The following XYLB variants were observed in gnomAD, a reference collection of about 807,000 sequenced individuals.
The protein encoded by XYLB is xylulokinase, also known as xylulose kinase.
XYLB carries 62 observed loss-of-function variants against 78.7 expected under a neutral mutation model. The observed-to-expected ratio is 0.79, with a 90% CI of 0.64 to 0.97. The LOEUF is 0.97. XYLB is among the 50% of genes least tolerant of loss of function. The probability of loss-of-function intolerance (pLI) is 0.00; values close to 1 mark genes in which losing one functional copy is unlikely to be tolerated. For synonymous variants in XYLB, 245 were observed against 247.4 expected (o/e 0.99, Z 0.09); for missense variants, 687 against 676.8 (o/e 1.02, Z -0.17).
downstream of XYLB, among the ~76,000 whole-genome samples, chr3:38,425,146 C>T (rs1013510060): frequency 5.5e-4 from 84 of 152,188 alleles, no homozygotes; most frequent in Non-Finnish European, 5.4e-4. Context: ...GGGAGACTAG[C>T]TTATGTACAT....
At chr3:38,373,632 G>A (rs936830299) in intron 10 of XYLB, among the ~76,000 whole-genome samples, 5 of 152,148 alleles carry the variant, frequency 3.3e-5, no homozygotes, top group East Asian at 3.9e-4. Context: ...ATTCGGTCTC[G>A]TCTCTTTGTT....
intron 18 of XYLB, among the ~76,000 whole-genome samples, chr3:38,407,458 G>C (rs1258628555): frequency 2.0e-5 from 3 of 152,190 alleles, no homozygotes; most frequent in African/African-American, 7.2e-5. Context: ...ATCGAGGCTA[G>C]GAAGAAACTG....
downstream of XYLB, among the ~76,000 whole-genome samples, chr3:38,424,165 CCAGAAAAGATT>C (rs1250908714): frequency 3.3e-5 from 5 of 151,812 alleles, no homozygotes; most frequent in Admixed American, 3.3e-4. Flanking sequence ...CAGAAAAGAT[CCAGAAAAGATT>C]GATTTTTCCA....
the XYLB span, among the ~76,000 whole-genome samples, chr3:38,447,995 T>C: frequency 6.6e-6 from 1 of 152,064 alleles, no homozygotes; most frequent in African/African-American, 2.4e-5. Context: ...GGAGGAAGGA[T>C]TGCTTGAGCC....
At chr3:38,355,929 A>C (rs575269508) in intron 2 of XYLB, 2 of 614,372 alleles carry the variant, frequency 3.3e-6, no homozygotes, top group Non-Finnish European at 5.8e-6. Flanking sequence ...TAACTAATAT[A>C]ATTTTTTCCC....
rs1387351198 is a variant in XYLB at position 38,365,709 on chromosome 3, C to T, written c.480C>T (p.Ser160=). The T allele has an allele frequency of 3.7e-6, 6 of 1,613,658 alleles. No homozygotes were observed. In the South Asian group the frequency reaches 6.6e-5, roughly 18 times the overall value. ...CTGTGGGTGGTGCTCAGGCTCTCAG[C>T]TGCCTCACGGGGTCCCGTGCCTATG... The part of the protein sequence containing the change: ...EAAVGGAQAL[S]CLTGSRAYER... The change falls in exon 6 of 19, where the codon AGC becomes AGT. Residue 160 remains serine (S), a synonymous_variant. Coordinates refer to ENST00000207870, the MANE Select transcript of XYLB (RefSeq NM_005108.4).
chr3:38,437,037 A>ATAATAATAG, the XYLB span, among the ~76,000 whole-genome samples: 1 of 147,510 alleles, frequency 6.8e-6, no homozygotes, highest in African/African-American at 2.5e-5. Context: ...AATAATAATA[A>ATAATAATAG]TAATAATAAC....
intron 15 of XYLB, among the ~76,000 whole-genome samples, chr3:38,381,813 G>A (rs144395398): frequency 7.4e-4 from 113 of 152,312 alleles, no homozygotes; most frequent in Non-Finnish European, 9.1e-4. Flanking sequence ...CAATGACAAT[G>A]GTGCCCGAAA....
rs138709902 is a variant in XYLB at position 38,371,684 on chromosome 3, G to A, written c.766-971G>A. On this transcript the variant is annotated intron_variant, in intron 9 of 18. Transcript: ENST00000207870. ...ATTACAGGTGTGAACCACCGTGCTC[G>A]GCCGTTTTTCTTGTATGATTCACAC... Among the ~76,000 whole-genome samples the A allele has an allele frequency of 4.8e-3, 737 of 152,246 alleles. 2 individuals carry two copies. The highest frequency in any genetic ancestry group is 0.018 in the South Asian group (89 of 4,822).
At chr3:38,411,061 G>A (rs1249965838) in intron 18 of XYLB, among the ~76,000 whole-genome samples, 3 of 152,116 alleles carry the variant, frequency 2.0e-5, no homozygotes, top group African/African-American at 7.2e-5. Context: ...AAATCATGCT[G>A]CTATAAAGAC....
At chr3:38,378,062 ACT>A (rs978131231) in intron 14 of XYLB, among the ~76,000 whole-genome samples, 74 of 152,250 alleles carry the variant, frequency 4.9e-4, no homozygotes, top group African/African-American at 1.7e-3. Flanking sequence ...TATGTAAGAC[ACT>A]CTGTCTGGAA....
At chr3:38,429,600 G>A in the XYLB span, among the ~76,000 whole-genome samples, 9 of 152,216 alleles carry the variant, frequency 5.9e-5, no homozygotes, top group Admixed American at 5.9e-4. Flanking sequence ...TAGGGTAAAT[G>A]TGCACAACGT....
chr3:38,396,951 G>A (rs1707896041), intron 16 of XYLB, 121 bp from the exon 17 acceptor site: 8 of 951,884 alleles, frequency 8.4e-6, no homozygotes, highest in South Asian at 4.2e-5. Flanking sequence ...TAAGGCAGTC[G>A]AGGTGGAATG....
At chr3:38,401,821 T>C (rs36006749) in intron 18 of XYLB, among the ~76,000 whole-genome samples, 65,208 of 151,520 alleles carry the variant, frequency 0.43, 15,885 homozygotes, top group Non-Finnish European at 0.56. Flanking sequence ...TGGCACACCA[T>C]AGCATCCGCC....
chr3:38,384,625 T>G (rs149741), intron 15 of XYLB, among the ~76,000 whole-genome samples: 63,226 of 152,124 alleles, frequency 0.42, 14,484 homozygotes, highest in East Asian at 0.53. Context: ...TCACAAAAGA[T>G]TCATGCAAAA....
intron 14 of XYLB, 43 bp from the exon 15 acceptor site, chr3:38,379,203 A>G (rs1575496054): frequency 1.9e-6 from 3 of 1,592,194 alleles, no homozygotes; most frequent in East Asian, 4.5e-5. Context: ...ACGAATGGAC[A>G]ATGAGAGTTC....
the XYLB span, among the ~76,000 whole-genome samples, chr3:38,430,183 G>A: frequency 1.3e-5 from 2 of 152,178 alleles, no homozygotes; most frequent in African/African-American, 4.8e-5. Flanking sequence ...CAATGTAAAA[G>A]CATTCCTATT....
the XYLB span, among the ~76,000 whole-genome samples, chr3:38,438,228 A>AT: frequency 7.4e-3 from 1,108 of 149,672 alleles, 8 homozygotes; most frequent in African/African-American, 0.025. Flanking sequence ...CCCTGTCTCC[A>AT]TTTTTTTTTT....
intron 17 of XYLB, among the ~76,000 whole-genome samples, chr3:38,398,799 C>T (rs1056630469): frequency 5.0e-4 from 74 of 149,248 alleles, no homozygotes; most frequent in African/African-American, 1.4e-3. Flanking sequence ...CCAAGGTAGG[C>T]GGATTATGAG....
Sources: allele counts gnomAD v4.1 joint callset (sites outside exome capture counted in the v4.1 genomes callset), GRCh38; gene constraint gnomAD v4.1.1; transcripts MANE v1.5; gene names NCBI Gene and HGNC (gene_info 2026-07-23, HGNC 2026-07-21).